The following COL5A1 variants were observed in gnomAD, a reference collection of about 807,000 sequenced individuals.
COL5A1 encodes the protein collagen type V alpha 1 chain.
In COL5A1, 16 loss-of-function variants were observed where a neutral mutation model predicts 263.7. The ratio of observed to expected loss-of-function variants is 0.06; its 90% CI spans 0.04 to 0.09. COL5A1 has a LOEUF of 0.09. Among genes scored for constraint, COL5A1 ranks in the 10% least tolerant of loss-of-function variants. The probability of loss-of-function intolerance (pLI) is 1.00; values close to 1 mark genes in which losing one functional copy is unlikely to be tolerated. For missense variants in COL5A1, 2,036 were observed against 2,540.5 expected, an observed-to-expected ratio of 0.80 and a Z score of 4.27; for synonymous variants, 1,012 against 1,004.5, an observed-to-expected ratio of 1.01 and a Z score of -0.14.
chr9:134,752,708 T>C lies in COL5A1; in HGVS notation c.1719+63T>C, dbSNP rs889036061. The C allele has an allele frequency of 3.1e-5, 42 of 1,350,838 alleles. No individual in the cohort carries two copies. In the African/African-American group the frequency reaches 3.4e-4, roughly 11 times the overall value. 83.7% of individuals were successfully genotyped at this position (1,350,838 alleles called of 1,614,324 possible). On this transcript the variant is annotated intron_variant, in intron 14 of 65. Coordinates refer to ENST00000371817, the MANE Select transcript of COL5A1 (RefSeq NM_000093.5). ...GGGGATTGGCCCACTCCCTGTGTCG[T>C]TGGCGGACAGTGGCAGGTGGCCCTG...
intron 2 of COL5A1, among the ~76,000 whole-genome samples, chr9:134,693,944 G>A (rs879500987): frequency 2.6e-5 from 4 of 152,184 alleles, no homozygotes; most frequent in Admixed American, 6.5e-5. Flanking sequence ...GCCCTGTCTC[G>A]GGGAGCAGCA....
intron 62 of COL5A1, among the ~76,000 whole-genome samples, chr9:134,825,386 C>T (rs917788155): frequency 6.6e-6 from 1 of 152,160 alleles, no homozygotes; most frequent in Non-Finnish European, 1.5e-5. Context: ...TTTTCTTCCC[C>T]CTGGGAAGTT....
chr9:134,825,763 C>A, intron 62 of COL5A1, 29 bp from the exon 63 acceptor site: 1 of 1,473,110 alleles, frequency 6.8e-7, no homozygotes, highest in Non-Finnish European at 9.5e-7. Context: ...CTGACTCTGC[C>A]TGCCTCCCTC....
rs372144302 is a variant in COL5A1, at chr9:134,745,467, G to A, written c.1495-5075G>A. ...TTTCTCACGTGGGCCCCTTAAGGCC[G>A]CAGGTCTTACCCAGAGCCCCGATTA... On this transcript the variant is annotated intron_variant, in intron 11 of 65. Transcript: ENST00000371817. Among the ~76,000 whole-genome samples the A allele has an allele frequency of 7.9e-5, 12 of 152,162 alleles. No individual in the cohort carries two copies. The East Asian group carries it at 9.6e-4, about 12-fold the overall frequency.
In COL5A1 at chr9:134,675,518, G is replaced by A. The variant is rs143629731; in HGVS notation, c.110-15394G>A. 3.2e-3 allele frequency among the ~76,000 whole-genome samples: 482 copies of A among 152,326 alleles called. 13 individuals carry two copies. The South Asian group carries it at 0.066, about 21-fold the overall frequency. On this transcript the variant is annotated intron_variant, in intron 1 of 65. Coordinates refer to ENST00000371817, the MANE Select transcript of COL5A1 (RefSeq NM_000093.5). ...GTACACATCTTGTTGTTTATTGCCTGTTCTTTTTTGTTGTTGTTGTGGTTC... is the reference window on the plus strand; with the variant it reads ...GTACACATCTTGTTGTTTATTGCCTATTCTTTTTTGTTGTTGTTGTGGTTC...
chr9:134,811,553 A>G lies in COL5A1; in HGVS notation c.3644A>G (p.Glu1215Gly). The G allele has an allele frequency of 6.3e-7, 1 of 1,579,746 alleles. No homozygotes were observed. Among genetic ancestry groups the G allele is most frequent in the Non-Finnish European group, 8.6e-7 (1 of 1,162,308 alleles). ...GGCCTTTTCGGGCAGAAAGGTGATG[A>G]AGGTCCCAGAGGCTTTCCTGGACCC... ...QQGLFGQKGDEGPRGFPGPPG... is the reference protein window; with the variant it reads ...QQGLFGQKGDGGPRGFPGPPG... The change falls in exon 46 of 66, where the codon GAA becomes GGA. Residue 1215 changes from glutamate (E) to glycine (G), a missense_variant. This residue lies in a region of COL5A1 where 1,078 missense variants were observed against 1,521.4 expected (regional missense o/e 0.71). Coordinates refer to ENST00000371817, the MANE Select transcript of COL5A1 (RefSeq NM_000093.5).
Position 134,796,382 on chromosome 9 carries a change from C to T in COL5A1, c.2808C>T (p.Ser936=), listed in dbSNP as rs142849628. 35 of 1,614,024 alleles carry T rather than the reference C, an allele frequency of 2.2e-5. No homozygotes were observed. The highest frequency in any genetic ancestry group is 1.1e-4 in the East Asian group (5 of 44,882). ...TCTCCTTCCCTCTCAAGGGCAACTC[C>T]GGAGGTGACGGCCCAGCTGGCCCTC... ...ITGKPGPKGN[S]GGDGPAGPPG... The change falls in exon 35 of 66, where the codon TCC becomes TCT. Residue 936 remains serine, a synonymous_variant. Coordinates refer to ENST00000371817, the MANE Select transcript of COL5A1 (RefSeq NM_000093.5).
chr9:134,746,797 T>TCTTATTTTGC (rs1388989011), intron 11 of COL5A1, among the ~76,000 whole-genome samples: 5 of 152,206 alleles, frequency 3.3e-5, no homozygotes, highest in African/African-American at 1.2e-4. Context: ...AGGTGGGATT[T>TCTTATTTTGC]CTTATTTTGC....
rs1835316286 is a variant in COL5A1 at position 134,741,868 on chromosome 9, C to G, written c.1494+3060C>G. On this transcript the variant is annotated intron_variant, in intron 11 of 65. Transcript: ENST00000371817. The surrounding 1 kb of genome is among the most constrained non-coding windows in gnomAD (Gnocchi z 4.5). ...GCCTTGGGCTTCCCCAGCCCTTCCT[C>G]CCTTCCCCAAGGGCCGTCTGGCCGT... Among the ~76,000 whole-genome samples, 2 of 152,178 alleles carry G rather than the reference C, an allele frequency of 1.3e-5. No homozygotes were observed. Among genetic ancestry groups the G allele is most frequent in the Admixed American group, 1.3e-4 (2 of 15,284 alleles).
chr9:134,804,851 A>G (rs1333098426), intron 39 of COL5A1, 124 bp from the exon 40 acceptor site: 2 of 807,216 alleles, frequency 2.5e-6, no homozygotes, highest in Admixed American at 2.0e-5. Flanking sequence ...TCGCTCTGGG[A>G]CTGGTGAGAG....
At chr9:134,717,682 A>G (rs112256344) in intron 4 of COL5A1, among the ~76,000 whole-genome samples, 2,068 of 152,328 alleles carry the variant, frequency 0.014, 40 homozygotes, top group African/African-American at 0.043. Context: ...CATGGACAAC[A>G]TGCTTGCCGA....
intron 38 of COL5A1, among the ~76,000 whole-genome samples, 161 bp downstream of exon 38, chr9:134,802,168 C>G (rs967979357): frequency 6.6e-6 from 1 of 152,202 alleles, no homozygotes; most frequent in African/African-American, 2.4e-5. Context: ...TGAGGCTCGC[C>G]CCACGCAGGA....
rs1837902574 is a variant in COL5A1 at position 134,796,223 on chromosome 9, G to A, written c.2800-151G>A. 1.6e-5 allele frequency: 13 copies of A among 828,320 alleles called. No individual in the cohort carries two copies. The Admixed American group carries it at 2.1e-4, about 13-fold the overall frequency. 51.3% of individuals were successfully genotyped at this position (828,320 alleles called of 1,614,324 possible). ...TTGATAGCCACAGATCAGCGCCAATGCCTTCTGCCCCTTACTGAGGGTCAG... is the reference window on the plus strand; with the variant it reads ...TTGATAGCCACAGATCAGCGCCAATACCTTCTGCCCCTTACTGAGGGTCAG... On this transcript the variant is annotated intron_variant, in intron 34 of 65. Coordinates refer to ENST00000371817, the MANE Select transcript of COL5A1 (RefSeq NM_000093.5).
intron 7 of COL5A1, among the ~76,000 whole-genome samples, chr9:134,730,890 A>G (rs1182152635): frequency 6.6e-6 from 1 of 152,176 alleles, no homozygotes; most frequent in Non-Finnish European, 1.5e-5. Context: ...ACAGCGAAGC[A>G]GGAGCTGGGG....
At chr9:134,814,660 C>T (rs984688667) in intron 49 of COL5A1, 137 bp from the exon 50 acceptor site, 8 of 720,300 alleles carry the variant, frequency 1.1e-5, no homozygotes, top group Middle Eastern at 2.5e-4. Flanking sequence ...AGCGACCTGG[C>T]AGCCAGCCCC....
intron 18 of COL5A1, among the ~76,000 whole-genome samples, chr9:134,759,339 C>G (rs1010525356): frequency 9.5e-6 from 1 of 105,268 alleles, no homozygotes; most frequent in Admixed American, 1.0e-4. Flanking sequence ...CACACAAGCA[C>G]ACACACACAC....
intron 37 of COL5A1, among the ~76,000 whole-genome samples, chr9:134,801,101 T>G (rs1246439042): frequency 1.3e-5 from 2 of 152,248 alleles, no homozygotes; most frequent in African/African-American, 2.4e-5. Flanking sequence ...ACAGAAGTCG[T>G]GGCGACACCC....
At chr9:134,772,899 C>A in intron 26 of COL5A1, 65 bp downstream of exon 26, 1 of 1,500,130 alleles carries the variant, frequency 6.7e-7, no homozygotes, top group Non-Finnish European at 9.3e-7. Context: ...GTGCTCTGGG[C>A]TCAGCCTCTG....
intron 4 of COL5A1, among the ~76,000 whole-genome samples, chr9:134,721,747 G>A (rs1200043425): frequency 1.3e-5 from 2 of 152,252 alleles, no homozygotes; most frequent in Non-Finnish European, 2.9e-5. Flanking sequence ...GCTGGCCCGT[G>A]GGAGGTTGCT....
Sources: gnomAD v4.1 joint callset for allele counts (sites outside exome capture counted in the v4.1 genomes callset) on GRCh38, gnomAD v4.1.1 for gene constraint, gnomAD v4.1.1 regional missense constraint, Gnocchi (gnomAD v3.1) non-coding constraint, MANE v1.5 for transcripts, NCBI Gene and HGNC (gene_info 2026-07-23, HGNC 2026-07-21) for gene names.